The following MTCL1 variants were observed in gnomAD, a reference collection of about 807,000 sequenced individuals.
MTCL1 encodes the protein microtubule cross-linking factor 1.
MTCL1 carries 79 observed loss-of-function variants against 141.4 expected under a neutral mutation model. That is an observed-to-expected ratio of 0.56 (90% CI 0.47 to 0.67). The LOEUF (loss-of-function observed/expected upper bound fraction) is 0.67, where lower values mean the gene tolerates loss of function less well. MTCL1 is among the 30% of genes least tolerant of loss of function. MTCL1 has a pLI of 0.00. For synonymous variants in MTCL1, 914 were observed against 875.8 expected (o/e 1.04, Z -0.77); for missense variants, 2,177 against 2,113.9 (o/e 1.03, Z -0.59).
chr18:8,775,978 A>C (rs963067563), intron 4 of MTCL1, among the ~76,000 whole-genome samples: 1 of 152,236 alleles, frequency 6.6e-6, no homozygotes, highest in African/African-American at 2.4e-5. Flanking sequence ...AAGGGCTGGC[A>C]TTCTGAGAGT....
chr18:8,755,262 C>G (rs948826672), intron 4 of MTCL1, among the ~76,000 whole-genome samples: 9 of 152,196 alleles, frequency 5.9e-5, no homozygotes, highest in African/African-American at 2.2e-4. Flanking sequence ...GTCGCAGGTG[C>G]TATTTGGGAT....
intron 4 of MTCL1, among the ~76,000 whole-genome samples, chr18:8,731,857 C>T (rs1447989534): frequency 6.6e-6 from 1 of 151,898 alleles, no homozygotes; most frequent in Non-Finnish European, 1.5e-5. Flanking sequence ...TACAGGTGTG[C>T]ACCACCACAC....
chr18:8,795,814 T>G (rs2075896749), intron 8 of MTCL1, among the ~76,000 whole-genome samples: 1 of 152,148 alleles, frequency 6.6e-6, no homozygotes. Flanking sequence ...GGGGAAGGAT[T>G]TCCACTTGTT....
chr18:8,771,234 C>T (rs1329592142), intron 4 of MTCL1, among the ~76,000 whole-genome samples: 1 of 152,128 alleles, frequency 6.6e-6, no homozygotes, highest in Non-Finnish European at 1.5e-5. Context: ...AATGATCCCC[C>T]TACCTCAGCC....
At chr18:8,829,570 CAG>C (rs1598840596) in intron 16 of MTCL1, 2 of 984,844 alleles carry the variant, frequency 2.0e-6, no homozygotes, top group East Asian at 1.1e-4. Context: ...GACCTTCCCT[CAG>C]AATTGCTTTC....
At chr18:8,709,458 T>A (rs1021620626) in intron 1 of MTCL1, among the ~76,000 whole-genome samples, 2 of 152,080 alleles carry the variant, frequency 1.3e-5, no homozygotes, top group African/African-American at 4.8e-5. Flanking sequence ...CCTCCCAAAG[T>A]GCTAGGATTA....
At chr18:8,775,194 C>T (rs1038996349) in intron 4 of MTCL1, among the ~76,000 whole-genome samples, 1 of 152,128 alleles carries the variant, frequency 6.6e-6, no homozygotes, top group Non-Finnish European at 1.5e-5. Flanking sequence ...CTATTACAGC[C>T]CTGGAATTAA....
In MTCL1 at chr18:8,733,137, G is replaced by T. The variant is rs551075780; in HGVS notation, c.357+12641G>T. 4.8e-4 allele frequency among the ~76,000 whole-genome samples: 73 copies of T among 152,342 alleles called. 1 individual carries two copies. Among genetic ancestry groups the T allele is most frequent in the African/African-American group, 1.7e-3 (70 of 41,574 alleles). On this transcript the variant is annotated intron_variant, in intron 4 of 16. Coordinates refer to ENST00000359865, the Ensembl canonical transcript of MTCL1. ...AGGGGGGAGGAAGGTGAGAGCTGAG[G>T]ACGCAGTGCCTGGGAGCCAGGGCGC...
At chr18:8,766,330 C>T (rs937409709) in intron 4 of MTCL1, among the ~76,000 whole-genome samples, 49 of 151,642 alleles carry the variant, frequency 3.2e-4, no homozygotes, top group African/African-American at 1.2e-3. Context: ...CTAGGTGAAG[C>T]ATGAGTTGTC....
chr18:8,763,735 C>T (rs2096445002), intron 4 of MTCL1, among the ~76,000 whole-genome samples: 1 of 152,184 alleles, frequency 6.6e-6, no homozygotes, highest in Non-Finnish European at 1.5e-5. Context: ...GTCCTAATAG[C>T]AGGGGAGAGA....
chr18:8,825,815 G>A (rs779065853), exon 15 of MTCL1: 1 of 1,614,182 alleles, frequency 6.2e-7, no homozygotes, highest in South Asian at 1.1e-5. Flanking sequence ...AGAGCCCCGT[G>A]CACACCACCA....
intron 10 of MTCL1, chr18:8,802,027 T>C (rs1321346202): frequency 6.6e-6 from 1 of 152,234 alleles, no homozygotes; most frequent in African/African-American, 2.4e-5. Flanking sequence ...AAAGAACTTT[T>C]CTGGATGTAA....
At chr18:8,732,125 A>G (rs975952817) in intron 4 of MTCL1, among the ~76,000 whole-genome samples, 1 of 151,978 alleles carries the variant, frequency 6.6e-6, no homozygotes, top group South Asian at 2.1e-4. Context: ...TTTTTGAGAC[A>G]GGGTCTCGCT....
At chr18:8,728,613 A>ATAGT (rs1404570097) in intron 4 of MTCL1, among the ~76,000 whole-genome samples, 1 of 151,588 alleles carries the variant, frequency 6.6e-6, no homozygotes, top group Non-Finnish European at 1.5e-5. Context: ...CTCACTCCGA[A>ATAGT]TAGTGTTCGA....
At chr18:8,831,799 G>T (rs1159362466) in exon 17 of MTCL1, 1 of 1,550,206 alleles carries the variant, frequency 6.5e-7, no homozygotes, top group Admixed American at 2.0e-5. Flanking sequence ...GCCACACCGA[G>T]ATGCAAGCTT....
chr18:8,770,695 T>C (rs1568003103), intron 4 of MTCL1, among the ~76,000 whole-genome samples: 1 of 152,196 alleles, frequency 6.6e-6, no homozygotes, highest in Non-Finnish European at 1.5e-5. Flanking sequence ...TTTAGCATTG[T>C]GCCTGGCATG....
At chr18:8,735,232 G>A (rs2096269544) in intron 4 of MTCL1, among the ~76,000 whole-genome samples, 1 of 152,166 alleles carries the variant, frequency 6.6e-6, no homozygotes, top group Admixed American at 6.5e-5. Flanking sequence ...ATGCATGAAG[G>A]TGGCCTTTGT....
In MTCL1 at chr18:8,710,070, C is replaced by G. The variant is rs149971123; in HGVS notation, c.1053+3357C>G. On this transcript the variant is annotated intron_variant, in intron 1 of 13. Transcript: ENST00000306329. Reference sequence around the variant, plus strand: ...GGCCAGGCTGGTCTTGAACTCCTGACTTCAGGTGATCTGCCCGCCTCGGCT... The same window carrying G: ...GGCCAGGCTGGTCTTGAACTCCTGAGTTCAGGTGATCTGCCCGCCTCGGCT... Among the ~76,000 whole-genome samples the G allele has an allele frequency of 7.7e-3, 1,180 of 152,328 alleles. 19 individuals are homozygous for G. Among genetic ancestry groups the G allele is most frequent in the African/African-American group, 0.026 (1,101 of 41,568 alleles).
chr18:8,707,281 C>G (rs1337420183), intron 1 of MTCL1: 1 of 152,796 alleles, frequency 6.5e-6, no homozygotes, highest in East Asian at 1.9e-4. Context: ...CAAGCTGAAG[C>G]TCAGTAGAGG....
Sources: gnomAD v4.1 joint callset for allele counts (sites outside exome capture counted in the v4.1 genomes callset) on GRCh38, gnomAD v4.1.1 for gene constraint, MANE v1.5 for transcripts, NCBI Gene and HGNC (gene_info 2026-07-23, HGNC 2026-07-21) for gene names.